VRK3: variants seen among roughly 807,000 people sequenced by gnomAD.
VRK3 encodes VRK serine/threonine kinase 3.
A neutral mutation model predicts 60.4 loss-of-function variants in VRK3; 50 were observed. The observed-to-expected ratio is 0.83, with a 90% CI of 0.66 to 1.05. The LOEUF is 1.05. VRK3 is among the 50% of genes least tolerant of loss of function. VRK3 has a pLI of 0.00. For missense variants in VRK3, 549 were observed against 585.3 expected (o/e 0.94, Z 0.64); for synonymous variants, 246 against 227.8 (o/e 1.08, Z -0.72).
intron 9 of VRK3, 71 bp from the exon 10 acceptor site, chr19:49,993,023 G>GGA (rs199628729): frequency 9.1e-7 from 1 of 1,098,732 alleles, no homozygotes; most frequent in Non-Finnish European, 1.2e-6. Flanking sequence ...GTGCAGACCA[G>GGA]GAGGGAGCCC....
intron 6 of VRK3, 109 bp downstream of exon 6, chr19:50,000,681 C>G: frequency 2.2e-6 from 3 of 1,340,956 alleles, no homozygotes; most frequent in Non-Finnish European, 3.1e-6. Context: ...AGGTGGGGAC[C>G]CTGGCCCCCG....
At chr19:49,986,394 C>T (rs988398498) in intron 12 of VRK3, 8 of 153,146 alleles carry the variant, frequency 5.2e-5, no homozygotes, top group Non-Finnish European at 1.0e-4. Flanking sequence ...ATTTAGAAGC[C>T]GGAGTCAGAA....
At chr19:49,977,238 C>A (rs921800844) in intron 14 of VRK3, among the ~76,000 whole-genome samples, 2 of 151,688 alleles carry the variant, frequency 1.3e-5, no homozygotes, top group Non-Finnish European at 2.9e-5. Flanking sequence ...GCATCGTGCA[C>A]GGGGGAGGAA....
At chr19:49,997,665 C>A (rs12459330) in intron 6 of VRK3, 95 bp from the exon 7 acceptor site, 258,274 of 1,392,716 alleles carry the variant, frequency 0.19, 25,337 homozygotes, top group East Asian at 0.33. Flanking sequence ...CCTCAATGAC[C>A]AGGCTCCTCA....
At chr19:49,993,135 C>A (rs1216183926) in intron 9 of VRK3, among the ~76,000 whole-genome samples, 183 bp from the exon 10 acceptor site, 1 of 152,184 alleles carries the variant, frequency 6.6e-6, no homozygotes, top group Non-Finnish European at 1.5e-5. Context: ...ATTGAGCACG[C>A]CTCTAATCAG....
At position 50,009,279 on chromosome 19, in the gene VRK3, A is replaced by C; in HGVS notation, c.246T>G (p.Ser82Arg). The C allele has an allele frequency of 6.2e-7, 1 of 1,614,138 alleles. No homozygotes were observed. The highest frequency in any genetic ancestry group is 8.5e-7 in the Non-Finnish European group (1 of 1,180,000). The change falls in exon 4 of 15, where the codon AGT becomes AGG. Residue 82 changes from serine to arginine, a missense_variant. Transcript: ENST00000316763. ...AACTCAGAGTATCTTCAGACTCAGAACTGTCACCATCTGAGAAGAGGGATA... is the reference window on the plus strand; with the variant it reads ...AACTCAGAGTATCTTCAGACTCAGACCTGTCACCATCTGAGAAGAGGGATA... ...PRLSLFSDGD[S>R]SESEDTLSSS...
At chr19:49,997,714 C>T in intron 6 of VRK3, 144 bp from the exon 7 acceptor site, 3 of 739,292 alleles carry the variant, frequency 4.1e-6, no homozygotes, top group South Asian at 3.7e-5. Context: ...TCAGGTACTG[C>T]ACACAAACAC....
chr19:50,024,403 G>A (rs1420219767), intron 1 of VRK3, among the ~76,000 whole-genome samples: 2 of 152,220 alleles, frequency 1.3e-5, no homozygotes, highest in African/African-American at 4.8e-5. Flanking sequence ...AGCCAGGTGA[G>A]GTTGGCCTGC....
chr19:50,006,537 G>A (rs1339698323), intron 5 of VRK3, among the ~76,000 whole-genome samples: 1 of 151,618 alleles, frequency 6.6e-6, no homozygotes, highest in African/African-American at 2.4e-5. Context: ...CACCACACCC[G>A]GCTAATTTTT....
chr19:49,988,595 A>G, intron 11 of VRK3, 103 bp from the exon 12 acceptor site: 1 of 1,442,604 alleles, frequency 6.9e-7, no homozygotes, highest in East Asian at 2.5e-5. Context: ...TCAACCACAC[A>G]CTCATACACC....
chr19:49,985,634 T>C (rs1218018262), intron 12 of VRK3, among the ~76,000 whole-genome samples: 2 of 152,192 alleles, frequency 1.3e-5, no homozygotes, highest in East Asian at 3.8e-4. Flanking sequence ...GTCTGACCTC[T>C]GACACACCAT....
chr19:50,012,860 G>A (rs1269635921), intron 3 of VRK3, among the ~76,000 whole-genome samples: 2 of 151,712 alleles, frequency 1.3e-5, no homozygotes, highest in Non-Finnish European at 1.5e-5. Flanking sequence ...GGGCGACAGA[G>A]CAAGACTCTG....
At chr19:50,024,103 A>C (rs1260846284) in intron 1 of VRK3, among the ~76,000 whole-genome samples, 1 of 151,976 alleles carries the variant, frequency 6.6e-6, no homozygotes, top group Non-Finnish European at 1.5e-5. Context: ...ATGCCCGGCT[A>C]ATTTTTTTAT....
intron 5 of VRK3, among the ~76,000 whole-genome samples, chr19:50,003,240 G>T (rs2076838381): frequency 6.6e-6 from 1 of 152,186 alleles, no homozygotes; most frequent in Admixed American, 6.5e-5. Context: ...GCCTCCAGAA[G>T]GAATCAGCAG....
chr19:50,013,858 C>G (rs1394559904), intron 3 of VRK3, among the ~76,000 whole-genome samples: 2 of 152,034 alleles, frequency 1.3e-5, no homozygotes, highest in African/African-American at 2.4e-5. Flanking sequence ...GAGACAAGTA[C>G]CAAAAAGAAA....
chr19:49,977,682 G>C (rs2076353753), intron 14 of VRK3, among the ~76,000 whole-genome samples: 1 of 152,164 alleles, frequency 6.6e-6, no homozygotes, highest in Admixed American at 6.5e-5. Flanking sequence ...GTTTGGAGGA[G>C]GCTGCTGGGG....
chr19:49,988,330 C>T, intron 12 of VRK3, 42 bp downstream of exon 12: 2 of 1,567,060 alleles, frequency 1.3e-6, no homozygotes, highest in South Asian at 1.1e-5. Context: ...TGCAGGGGTT[C>T]TGCTGACCAC....
rs779344925 is a variant in VRK3, at chr19:49,997,519, C to T, written c.664G>A (p.Ala222Thr). 2.3e-5 allele frequency: 37 copies of T among 1,613,648 alleles called. No homozygotes were observed. The highest frequency in any genetic ancestry group is 8.8e-5 in the South Asian group (8 of 91,020). The stretch of plus-strand genomic sequence containing the variant: ...TGTCAGGTACCTTGCAGAGGCTTGG[C>T]GGCCCGCTGGAAGAAGTTCTGCTCA... ...FNEQNFFQRA[A>T]KPLQVNKWKK... The change falls in exon 7 of 15, where the codon GCC becomes ACC. Residue 222 changes from alanine (A) to threonine (T), a missense_variant. By Grantham distance (58) the Ala-to-Thr change is moderately conservative (BLOSUM62 0). Transcript: ENST00000316763.
intron 3 of VRK3, among the ~76,000 whole-genome samples, chr19:50,013,939 A>G (rs1355350939): frequency 4.6e-5 from 7 of 152,196 alleles, no homozygotes; most frequent in Non-Finnish European, 1.5e-5. Context: ...AGTGGTAGGG[A>G]AAGTGTCTCT....
Sources: gnomAD v4.1 joint callset for allele counts (sites outside exome capture counted in the v4.1 genomes callset) on GRCh38, gnomAD v4.1.1 for gene constraint, MANE v1.5 for transcripts, NCBI Gene and HGNC (gene_info 2026-07-23, HGNC 2026-07-21) for gene names.